SLC14A2: variants seen among roughly 807,000 people sequenced by gnomAD.
SLC14A2 encodes the protein solute carrier family 14 member 2.
A neutral mutation model predicts 104.6 loss-of-function variants in SLC14A2; 91 were observed. That is an observed-to-expected ratio of 0.87 (90% CI 0.73 to 1.04). The LOEUF (loss-of-function observed/expected upper bound fraction) is 1.04. SLC14A2 is among the 50% of genes least tolerant of loss of function. The probability of loss-of-function intolerance (pLI) is 0.00; values close to 1 mark genes in which losing one functional copy is unlikely to be tolerated. For synonymous variants in SLC14A2, 476 were observed against 466.4 expected, an observed-to-expected ratio of 1.02 and a Z score of -0.27; for missense variants, 1,189 against 1,156.0, an observed-to-expected ratio of 1.03 and a Z score of -0.41.
chr18:45,606,423 G>A (rs533233769), intron 2 of SLC14A2, among the ~76,000 whole-genome samples: 17 of 152,140 alleles, frequency 1.1e-4, no homozygotes, highest in Non-Finnish European at 1.5e-4. Flanking sequence ...GAGGTGGGTC[G>A]GAAATTACTC....
intron 1 of SLC14A2, among the ~76,000 whole-genome samples, chr18:45,431,351 C>G (rs1033805234): frequency 2.6e-5 from 4 of 152,072 alleles, no homozygotes; most frequent in Admixed American, 6.6e-5. Flanking sequence ...ATGAATGAAT[C>G]CTGGCCCCTC....
At chr18:45,270,216 C>T (rs1351148072) in intron 1 of SLC14A2, among the ~76,000 whole-genome samples, 1 of 152,164 alleles carries the variant, frequency 6.6e-6, no homozygotes, top group East Asian at 1.9e-4. Flanking sequence ...CACTAATGTA[C>T]TCTGTGTGGG....
At chr18:45,403,087 A>C (rs766520553) in intron 1 of SLC14A2, among the ~76,000 whole-genome samples, 12 of 152,236 alleles carry the variant, frequency 7.9e-5, no homozygotes, top group Non-Finnish European at 1.6e-4. Flanking sequence ...CTGGAAATCC[A>C]AGATTAAGGT....
chr18:45,359,615 A>G (rs183040985), intron 1 of SLC14A2, among the ~76,000 whole-genome samples: 59 of 152,344 alleles, frequency 3.9e-4, no homozygotes, highest in African/African-American at 1.4e-3. Flanking sequence ...AGCTGAAATT[A>G]TCTCACAGGC....
chr18:45,337,140 A>C (rs1413880605), intron 1 of SLC14A2, among the ~76,000 whole-genome samples: 1 of 152,152 alleles, frequency 6.6e-6, no homozygotes, highest in East Asian at 1.9e-4. Flanking sequence ...AGTAGCCAGG[A>C]GACTTTGGCT....
intron 2 of SLC14A2, among the ~76,000 whole-genome samples, chr18:45,484,475 T>G (rs189024698): frequency 6.6e-6 from 1 of 152,298 alleles, no homozygotes; most frequent in East Asian, 1.9e-4. Context: ...TTCATATATA[T>G]CTCACAGAGC....
intron 1 of SLC14A2, among the ~76,000 whole-genome samples, chr18:45,616,961 G>A (rs1213093935): frequency 6.6e-6 from 1 of 152,156 alleles, no homozygotes; most frequent in Non-Finnish European, 1.5e-5. Flanking sequence ...GGCTGGGCAT[G>A]GTGGTGTGCG....
intron 10 of SLC14A2, among the ~76,000 whole-genome samples, chr18:45,649,680 A>G (rs1012062483): frequency 1.3e-5 from 2 of 152,228 alleles, no homozygotes; most frequent in Non-Finnish European, 2.9e-5. Flanking sequence ...TTGCATGTCC[A>G]CAGAGTTTCT....
intron 18 of SLC14A2, among the ~76,000 whole-genome samples, chr18:45,674,080 T>G (rs1024068853): frequency 3.9e-5 from 6 of 152,102 alleles, no homozygotes; most frequent in Admixed American, 2.6e-4. Flanking sequence ...ACATATGGAA[T>G]TGGGTGATTT....
chr18:45,500,887 T>G (rs2043187524), intron 2 of SLC14A2, among the ~76,000 whole-genome samples: 1 of 152,214 alleles, frequency 6.6e-6, no homozygotes. Context: ...GCTATTGTCT[T>G]GTGAGAACAA....
chr18:45,325,261 G>A (rs544840384), intron 1 of SLC14A2, among the ~76,000 whole-genome samples: 4 of 152,320 alleles, frequency 2.6e-5, no homozygotes, highest in Admixed American at 2.0e-4. Context: ...ACCCACACTC[G>A]GATGACCAGA....
chr18:45,405,137 A>G (rs186249114), intron 1 of SLC14A2, among the ~76,000 whole-genome samples: 1 of 152,328 alleles, frequency 6.6e-6, no homozygotes, highest in Non-Finnish European at 1.5e-5. Context: ...TTTTCTAGAC[A>G]GAGTCTGGGA....
intron 18 of SLC14A2, among the ~76,000 whole-genome samples, chr18:45,676,088 C>T (rs1711496952): frequency 6.6e-6 from 1 of 152,118 alleles, no homozygotes; most frequent in African/African-American, 2.4e-5. Flanking sequence ...TAAAAATGTC[C>T]CAATGGCAAA....
At position 45,566,792 on chromosome 18, in the gene SLC14A2, C is replaced by G. The variant is rs78709256; in HGVS notation, c.-34-57839C>G. 7.3e-3 allele frequency among the ~76,000 whole-genome samples: 1,109 copies of G among 152,292 alleles called. 7 individuals are homozygous for G. The highest frequency in any genetic ancestry group is 0.014 in the Admixed American group (215 of 15,304). ...ACAGGTAACTGCAGGGCGGTACAGA[C>G]AGAGAATACTTCCAGCTTTGCTCAG... On this transcript the variant is annotated intron_variant, in intron 2 of 20. Transcript: ENST00000586448.
At chr18:45,599,124 A>G (rs903083556) in intron 2 of SLC14A2, among the ~76,000 whole-genome samples, 3 of 152,204 alleles carry the variant, frequency 2.0e-5, no homozygotes, top group Non-Finnish European at 4.4e-5. Context: ...CTATAAACCA[A>G]ACCCTGGAGG....
intron 10 of SLC14A2, chr18:45,647,600 A>C (rs2045645606): frequency 6.6e-6 from 1 of 152,224 alleles, no homozygotes; most frequent in Admixed American, 6.5e-5. Context: ...TTCTAACAAC[A>C]AAGCCATTTA....
At chr18:45,522,318 A>G (rs962977200) in intron 2 of SLC14A2, among the ~76,000 whole-genome samples, 47 of 152,226 alleles carry the variant, frequency 3.1e-4, no homozygotes, top group African/African-American at 1.1e-3. Flanking sequence ...CATAAACACT[A>G]TAAGCCCATG....
At chr18:45,675,866 T>C (rs1474711545) in intron 18 of SLC14A2, among the ~76,000 whole-genome samples, 1 of 151,848 alleles carries the variant, frequency 6.6e-6, no homozygotes, top group East Asian at 1.9e-4. Flanking sequence ...CTGGAACACG[T>C]AGTCAAGCTT....
At chr18:45,635,917 G>T (rs1159873029) in intron 5 of SLC14A2, among the ~76,000 whole-genome samples, 1 of 152,210 alleles carries the variant, frequency 6.6e-6, no homozygotes, top group Non-Finnish European at 1.5e-5. Flanking sequence ...CTTCCATTAT[G>T]TGAAAAAGAC....
Sources: allele counts gnomAD v4.1 joint callset (sites outside exome capture counted in the v4.1 genomes callset), GRCh38; gene constraint gnomAD v4.1.1; transcripts MANE v1.5; gene names NCBI Gene and HGNC (gene_info 2026-07-23, HGNC 2026-07-21).